The following PPP4R1 variants were observed in gnomAD, a reference collection of about 807,000 sequenced individuals.
PPP4R1 encodes the protein protein phosphatase 4 regulatory subunit 1.
A neutral mutation model predicts 111.2 loss-of-function variants in PPP4R1; 42 were observed. The observed-to-expected ratio is 0.38, with a 90% CI of 0.29 to 0.49. The LOEUF is 0.49. Among genes scored for constraint, PPP4R1 ranks in the 20% least tolerant of loss-of-function variants. The pLI is 0.97. For missense variants in PPP4R1, 1,012 were observed against 1,161.6 expected (o/e 0.87, Z 1.87); for synonymous variants, 409 against 405.5 (o/e 1.01, Z -0.10).
At chr18:9,575,988 G>C (rs2066929997) in intron 10 of PPP4R1, among the ~76,000 whole-genome samples, 2 of 152,140 alleles carry the variant, frequency 1.3e-5, no homozygotes, top group Non-Finnish European at 1.5e-5. Flanking sequence ...TTTTGTCAAA[G>C]TCCTGGCAGC....
At chr18:9,574,146 T>A (rs1170186048) in intron 10 of PPP4R1, among the ~76,000 whole-genome samples, 1 of 152,194 alleles carries the variant, frequency 6.6e-6, no homozygotes, top group Non-Finnish European at 1.5e-5. Flanking sequence ...AGGCCCTTTG[T>A]GACTCTGTAT....
At chr18:9,611,956 A>G (rs1163783288) in intron 2 of PPP4R1, among the ~76,000 whole-genome samples, 1 of 152,006 alleles carries the variant, frequency 6.6e-6, no homozygotes, top group Non-Finnish European at 1.5e-5. Flanking sequence ...GGTTGCGGTG[A>G]GCCGAGATCG....
In PPP4R1 at chr18:9,570,654, A is replaced by G; in HGVS notation, c.1076T>C (p.Val359Ala). The change falls in exon 11 of 20, where the codon GTA becomes GCA. Residue 359 changes from valine to alanine, a missense_variant. Coordinates refer to ENST00000400556, the MANE Select transcript of PPP4R1 (RefSeq NM_001042388.3). ...AGGAGTATCCTCTGGCCTGACTTGTACATCCTCTGGGGCTTCTTGATCTCT... is the reference window on the plus strand; with the variant it reads ...AGGAGTATCCTCTGGCCTGACTTGTGCATCCTCTGGGGCTTCTTGATCTCT... ...RTRDQEAPED[V>A]QVRPEDTPSD... The G allele has an allele frequency of 6.3e-7, 1 of 1,591,554 alleles. No homozygotes were observed. Among genetic ancestry groups the G allele is most frequent in the Non-Finnish European group, 8.6e-7 (1 of 1,168,322 alleles).
chr18:9,591,555 T>A (rs2067212436), intron 4 of PPP4R1, among the ~76,000 whole-genome samples: 1 of 152,152 alleles, frequency 6.6e-6, no homozygotes, highest in Non-Finnish European at 1.5e-5. Flanking sequence ...ACCGAAAGGT[T>A]CTCAGCTGCT....
intron 2 of PPP4R1, among the ~76,000 whole-genome samples, chr18:9,607,552 A>G (rs1179932928): frequency 1.3e-5 from 2 of 152,140 alleles, no homozygotes; most frequent in African/African-American, 2.4e-5. Context: ...ACCAAAGGAG[A>G]TAAGTTAGAT....
At chr18:9,594,055 G>A (rs1004339063) in intron 3 of PPP4R1, 181 bp from the exon 4 acceptor site, 10 of 533,648 alleles carry the variant, frequency 1.9e-5, no homozygotes, top group African/African-American at 1.7e-4. Flanking sequence ...AGCCTCCTGA[G>A]TAGCTGAGAC....
At chr18:9,554,540 A>G (rs1037768144) in intron 15 of PPP4R1, among the ~76,000 whole-genome samples, 4 of 152,182 alleles carry the variant, frequency 2.6e-5, no homozygotes, top group African/African-American at 7.2e-5. Flanking sequence ...GAAGCAGTTC[A>G]TAACAATATG....
intron 19 of PPP4R1, 44 bp from the exon 20 acceptor site, chr18:9,547,996 G>C: frequency 6.3e-7 from 1 of 1,590,400 alleles, no homozygotes; most frequent in Non-Finnish European, 8.6e-7. Flanking sequence ...CAGTCCAACG[G>C]AACACTTCAG....
intron 5 of PPP4R1, among the ~76,000 whole-genome samples, 198 bp downstream of exon 5, chr18:9,588,513 G>A (rs577329021): frequency 1.3e-5 from 2 of 152,328 alleles, no homozygotes; most frequent in East Asian, 1.9e-4. Context: ...CCAAGTGAGA[G>A]TGCAGTTACT....
intron 16 of PPP4R1, chr18:9,551,023 T>C (rs952760679): frequency 2.6e-5 from 4 of 152,436 alleles, no homozygotes; most frequent in South Asian, 2.1e-4. Flanking sequence ...ACATTTCTAA[T>C]AAGCAGAAAG....
intron 11 of PPP4R1, among the ~76,000 whole-genome samples, chr18:9,569,592 T>C (rs1436987777): frequency 6.6e-6 from 1 of 152,218 alleles, no homozygotes; most frequent in South Asian, 2.1e-4. Flanking sequence ...CAAATCTGTA[T>C]AAATTACAGT....
intron 2 of PPP4R1, among the ~76,000 whole-genome samples, chr18:9,603,964 T>C (rs1382474173): frequency 2.0e-5 from 3 of 152,180 alleles, no homozygotes; most frequent in Non-Finnish European, 2.9e-5. Context: ...TTTTTTGTTT[T>C]ATTTGTCTCT....
At chr18:9,558,815 T>C (rs1030983173) in intron 14 of PPP4R1, among the ~76,000 whole-genome samples, 1 of 151,982 alleles carries the variant, frequency 6.6e-6, no homozygotes, top group Non-Finnish European at 1.5e-5. Flanking sequence ...GGTCAGGTCA[T>C]CAAGCCTGGG....
At position 9,614,409 on chromosome 18, in the gene PPP4R1, T is replaced by G; in HGVS notation, c.7+69A>C. ...ACGCCGGCCCCGGCCCGGCAGCCACTCAGGGCTGCGGCGGAGGGCGGGTGG... is the reference window on the plus strand; with the variant it reads ...ACGCCGGCCCCGGCCCGGCAGCCACGCAGGGCTGCGGCGGAGGGCGGGTGG... On this transcript the variant is annotated intron_variant, in intron 1 of 19. Transcript: ENST00000400556. The surrounding 1 kb of genome is among the most constrained non-coding windows in gnomAD (Gnocchi z 4.1). 3.6e-5 allele frequency: 35 copies of G among 985,182 alleles called. No individual in the cohort carries two copies. Among genetic ancestry groups the G allele is most frequent in the Non-Finnish European group, 4.2e-5 (35 of 836,152 alleles). The allele number at this position is 985,182 out of a possible 1,614,324, so 61.0% of individuals were successfully genotyped here. A position where few individuals can be genotyped will look rare whatever the true frequency, so the allele number is the denominator to read the frequency against.
At chr18:9,607,382 G>A (rs1003845311) in intron 2 of PPP4R1, among the ~76,000 whole-genome samples, 11 of 150,194 alleles carry the variant, frequency 7.3e-5, no homozygotes, top group African/African-American at 2.2e-4. Flanking sequence ...AACAAAAACA[G>A]AAACATGGAT....
At chr18:9,548,786 C>CAT (rs2066440899) in intron 19 of PPP4R1, among the ~76,000 whole-genome samples, 1 of 152,070 alleles carries the variant, frequency 6.6e-6, no homozygotes, top group African/African-American at 2.4e-5. Flanking sequence ...GGCGTGGTGG[C>CAT]GGGCACCTGT....
At position 9,570,233 on chromosome 18, in the gene PPP4R1, G is replaced by T; in HGVS notation, c.1497C>A (p.Ile499=). The T allele has an allele frequency of 6.3e-7, 1 of 1,586,762 alleles. No individual in the cohort carries two copies. The highest frequency in any genetic ancestry group is 1.2e-5 in the South Asian group (1 of 86,248). ...CCAGTTCCTTTCTGGTGGCCATGGT[G>T]ATGTTTGGAGAACTGGGCACAGGGC... ...SEGPVPSSPN[I]TMATRKELEE... is the part of the protein sequence containing the mutation. Residue 499 remains isoleucine, a synonymous_variant, in exon 11 of 20, where the codon ATC becomes ATA. Transcript: ENST00000400556.
In PPP4R1 at chr18:9,593,773, T is replaced by C; in HGVS notation, c.290A>G (p.Asp97Gly). Residue 97 changes from aspartate (D) to glycine (G), a missense_variant, in exon 4 of 20, where the codon GAT becomes GGT. Coordinates refer to ENST00000400556, the MANE Select transcript of PPP4R1 (RefSeq NM_001042388.3). ...VLERISRLAD[D>G]SEPTVRAELM... The stretch of plus-strand genomic sequence containing the variant: ...TTCACTTTCTCCACATATACCTGAA[T>C]CATCGGCCAATCTGCTAATTCTTTC... 6.2e-7 allele frequency: 1 copy of C among 1,612,716 alleles called. No homozygotes were observed. Among genetic ancestry groups the C allele is most frequent in the Non-Finnish European group, 8.5e-7 (1 of 1,178,918 alleles).
At chr18:9,585,490 G>A (rs918795530) in intron 6 of PPP4R1, among the ~76,000 whole-genome samples, 6 of 152,154 alleles carry the variant, frequency 3.9e-5, no homozygotes, top group African/African-American at 1.4e-4. Flanking sequence ...AGTTAATACA[G>A]AAAGAAATGG....
Sources: allele counts gnomAD v4.1 joint callset (sites outside exome capture counted in the v4.1 genomes callset), GRCh38; gene constraint gnomAD v4.1.1; non-coding constraint Gnocchi (gnomAD v3.1); transcripts MANE v1.5; gene names NCBI Gene and HGNC (gene_info 2026-07-23, HGNC 2026-07-21).